GPC6: variants seen among roughly 807,000 people sequenced by gnomAD.
GPC6 encodes the protein glypican 6, also known as glypican-6.
In GPC6, 14 loss-of-function variants were observed where a neutral mutation model predicts 55.2. That is an observed-to-expected ratio of 0.25 (90% confidence interval 0.17 to 0.40). The LOEUF (loss-of-function observed/expected upper bound fraction) is 0.40, where lower values mean the gene tolerates loss of function less well. Among genes scored for constraint, GPC6 ranks in the 10% least tolerant of loss-of-function variants. The pLI, the probability that GPC6 is intolerant of heterozygous loss-of-function variation, is 1.00. For synonymous variants in GPC6, 278 were observed against 259.6 expected, an observed-to-expected ratio of 1.07 and a Z score of -0.68; for missense variants, 641 against 708.5, an observed-to-expected ratio of 0.90 and a Z score of 1.08.
At chr13:93,288,634 A>G (rs1415356566) in intron 1 of GPC6, among the ~76,000 whole-genome samples, 2 of 152,216 alleles carry the variant, frequency 1.3e-5, no homozygotes, top group African/African-American at 2.4e-5. Flanking sequence ...GGCTGTCAGT[A>G]TTATCACTTC....
intron 2 of GPC6, among the ~76,000 whole-genome samples, chr13:93,810,166 A>T (rs1245187083): frequency 6.6e-6 from 1 of 152,154 alleles, no homozygotes; most frequent in African/African-American, 2.4e-5. Flanking sequence ...CACTCACAGG[A>T]CATGTCTAAT....
intron 4 of GPC6, among the ~76,000 whole-genome samples, chr13:94,137,618 C>T (rs1210780217): frequency 6.6e-6 from 1 of 152,118 alleles, no homozygotes; most frequent in Non-Finnish European, 1.5e-5. Flanking sequence ...CAAGAATATA[C>T]TGTGATGGTT....
chr13:93,652,099 C>T (rs1880444941), intron 2 of GPC6, among the ~76,000 whole-genome samples: 1 of 152,160 alleles, frequency 6.6e-6, no homozygotes, highest in South Asian at 2.1e-4. Context: ...CATTTTAAAT[C>T]AGTTAAAGTT....
intron 1 of GPC6, among the ~76,000 whole-genome samples, chr13:93,301,759 C>G (rs910449594): frequency 6.6e-6 from 1 of 152,052 alleles, no homozygotes; most frequent in Non-Finnish European, 1.5e-5. Context: ...ACAAATGGAG[C>G]CTTTGGGAGA....
intron 4 of GPC6, among the ~76,000 whole-genome samples, chr13:94,171,113 G>A (rs1343042528): frequency 6.6e-6 from 1 of 152,136 alleles, no homozygotes; most frequent in Non-Finnish European, 1.5e-5. Context: ...AAGCCCAAGT[G>A]TACAACCTGT....
chr13:93,547,303 G>A (rs1594255958), intron 2 of GPC6, among the ~76,000 whole-genome samples: 1 of 152,094 alleles, frequency 6.6e-6, no homozygotes, highest in South Asian at 2.1e-4. Flanking sequence ...CCGAGATCGT[G>A]CCAGTACACT....
intron 3 of GPC6, among the ~76,000 whole-genome samples, chr13:93,913,830 G>A (rs1364066965): frequency 6.6e-6 from 1 of 152,100 alleles, no homozygotes; most frequent in Non-Finnish European, 1.5e-5. Flanking sequence ...TTTTAAGTAT[G>A]GACTGAGCAC....
chr13:93,883,640 T>C (rs1875137160), intron 3 of GPC6, among the ~76,000 whole-genome samples: 1 of 152,116 alleles, frequency 6.6e-6, no homozygotes, highest in South Asian at 2.1e-4. Flanking sequence ...AGCCCACTTT[T>C]TGAGGAGATT....
At chr13:93,803,061 A>G (rs1469512856) in intron 2 of GPC6, among the ~76,000 whole-genome samples, 9 of 152,298 alleles carry the variant, frequency 5.9e-5, no homozygotes, top group African/African-American at 2.2e-4. Context: ...TCTTGCATTC[A>G]TGCTGACATT....
intron 1 of GPC6, among the ~76,000 whole-genome samples, chr13:93,466,906 T>A (rs1878925032): frequency 6.6e-6 from 1 of 152,200 alleles, no homozygotes; most frequent in Non-Finnish European, 1.5e-5. Flanking sequence ...TCAGTCCAAA[T>A]CTGACCTGTG....
intron 2 of GPC6, among the ~76,000 whole-genome samples, chr13:93,716,874 A>T (rs948417782): frequency 7.9e-5 from 12 of 151,604 alleles, no homozygotes; most frequent in Non-Finnish European, 1.5e-4. Flanking sequence ...ACTATTATTT[A>T]TCTTTTATAC....
intron 3 of GPC6, among the ~76,000 whole-genome samples, chr13:93,901,570 A>G (rs1239308403): frequency 2.0e-5 from 3 of 152,148 alleles, no homozygotes; most frequent in African/African-American, 4.8e-5. Flanking sequence ...GGTAGAGTAC[A>G]GATCCCTTTA....
intron 1 of GPC6, among the ~76,000 whole-genome samples, chr13:93,369,469 G>A (rs1486244370): frequency 6.6e-6 from 1 of 152,002 alleles, no homozygotes; most frequent in Non-Finnish European, 1.5e-5. Flanking sequence ...AAACTTTTCT[G>A]TTGTGACTTA....
At chr13:93,619,614 G>T (rs937532570) in intron 2 of GPC6, among the ~76,000 whole-genome samples, 1 of 152,032 alleles carries the variant, frequency 6.6e-6, no homozygotes, top group Non-Finnish European at 1.5e-5. Flanking sequence ...ATCATGCCTG[G>T]CTAGTTTTTA....
At chr13:93,603,805 G>C (rs533090452) in intron 2 of GPC6, among the ~76,000 whole-genome samples, 44 of 152,302 alleles carry the variant, frequency 2.9e-4, no homozygotes, top group Non-Finnish European at 5.6e-4. Context: ...ATCTAGATAC[G>C]AGAAACAGAT....
intron 2 of GPC6, among the ~76,000 whole-genome samples, chr13:93,619,785 T>G (rs779838282): frequency 1.7e-4 from 26 of 152,140 alleles, no homozygotes; most frequent in Non-Finnish European, 3.1e-4. Flanking sequence ...TTATTTGTGT[T>G]TTTTGCTTAT....
At chr13:94,052,410 G>A (rs978006689) in intron 4 of GPC6, among the ~76,000 whole-genome samples, 2 of 152,064 alleles carry the variant, frequency 1.3e-5, no homozygotes, top group Non-Finnish European at 1.5e-5. Context: ...AATGCCTAAC[G>A]GTATCATTAT....
At chr13:93,936,389 G>T (rs1199855601) in intron 3 of GPC6, among the ~76,000 whole-genome samples, 1 of 151,492 alleles carries the variant, frequency 6.6e-6, no homozygotes, top group African/African-American at 2.4e-5. Context: ...GAATGTGTGT[G>T]CGGGCATGTG....
chr13:94,071,898 T>A (rs777195793), intron 4 of GPC6, among the ~76,000 whole-genome samples: 11 of 152,328 alleles, frequency 7.2e-5, no homozygotes, highest in Middle Eastern at 3.4e-3. Context: ...CTAATGACCT[T>A]GAGAAAAGTA....
Sources: gnomAD v4.1 joint callset for allele counts (sites outside exome capture counted in the v4.1 genomes callset) on GRCh38, gnomAD v4.1.1 for gene constraint, MANE v1.5 for transcripts, NCBI Gene and HGNC (gene_info 2026-07-23, HGNC 2026-07-21) for gene names.